Variants in EXOC4 observed in about 807,000 individuals in gnomAD.
EXOC4 encodes the protein exocyst complex component 4, also known as SEC8-like 1.
A neutral mutation model predicts 107.2 loss-of-function variants in EXOC4; 71 were observed. The observed-to-expected ratio is 0.66, with a 90% CI of 0.55 to 0.81. The LOEUF (loss-of-function observed/expected upper bound fraction) is 0.81, where lower values mean the gene tolerates loss of function less well. Ranked by LOEUF, EXOC4 falls within the 30% of genes least tolerant of loss-of-function variation. The pLI, the probability that EXOC4 is intolerant of heterozygous loss-of-function variation, is 0.00. For missense variants in EXOC4, 1,108 were observed against 1,189.6 expected (o/e 0.93, Z 1.01); for synonymous variants, 456 against 441.2 (o/e 1.03, Z -0.42).
intron 10 of EXOC4, among the ~76,000 whole-genome samples, chr7:133,790,938 T>C (rs999369075): frequency 3.9e-5 from 6 of 152,234 alleles, no homozygotes; most frequent in African/African-American, 1.4e-4. Flanking sequence ...TGGAAGGAGA[T>C]GTACATTACA....
At chr7:133,637,574 A>G (rs181193499) in intron 10 of EXOC4, among the ~76,000 whole-genome samples, 46 of 149,564 alleles carry the variant, frequency 3.1e-4, no homozygotes, top group African/African-American at 1.1e-3. Flanking sequence ...ATGGGAGGAA[A>G]TATAGACACC....
At chr7:133,986,866 C>T (rs924131420) in intron 14 of EXOC4, among the ~76,000 whole-genome samples, 5 of 152,134 alleles carry the variant, frequency 3.3e-5, no homozygotes, top group Non-Finnish European at 7.3e-5. Flanking sequence ...GTCTGACACT[C>T]AACTGTGATC....
intron 9 of EXOC4, among the ~76,000 whole-genome samples, chr7:133,495,545 A>G (rs1799457595): frequency 6.6e-6 from 1 of 152,114 alleles, no homozygotes; most frequent in Non-Finnish European, 1.5e-5. Flanking sequence ...TCTGATTTCT[A>G]ACTCTATCTC....
At chr7:133,369,692 TTC>T (rs1269530296) in intron 6 of EXOC4, among the ~76,000 whole-genome samples, 2 of 152,154 alleles carry the variant, frequency 1.3e-5, no homozygotes, top group Non-Finnish European at 2.9e-5. Flanking sequence ...TCCAGTATCA[TTC>T]TCTCTGCTGA....
intron 10 of EXOC4, among the ~76,000 whole-genome samples, chr7:133,762,117 C>G (rs1796044741): frequency 6.6e-6 from 1 of 152,128 alleles, no homozygotes; most frequent in African/African-American, 2.4e-5. Context: ...CATGATGGTC[C>G]TGAGACCAGA....
intron 9 of EXOC4, among the ~76,000 whole-genome samples, chr7:133,536,985 C>A (rs1404714632): frequency 1.3e-5 from 2 of 152,116 alleles, no homozygotes; most frequent in African/African-American, 4.8e-5. Flanking sequence ...ACAGTGAAGA[C>A]TCAGAAATGT....
chr7:133,608,561 T>C (rs907277167), intron 9 of EXOC4, among the ~76,000 whole-genome samples: 1 of 145,902 alleles, frequency 6.9e-6, no homozygotes, highest in Non-Finnish European at 1.5e-5. Context: ...TTTTTTTTTT[T>C]TTTTTTTTGG....
intron 6 of EXOC4, among the ~76,000 whole-genome samples, chr7:133,357,986 G>A (rs1162256141): frequency 2.0e-5 from 3 of 152,048 alleles, no homozygotes; most frequent in African/African-American, 7.2e-5. Flanking sequence ...TCAGGAGTTC[G>A]AGAGCAGCCT....
intron 9 of EXOC4, among the ~76,000 whole-genome samples, chr7:133,602,353 T>A (rs559566627): frequency 1.4e-3 from 211 of 152,294 alleles, no homozygotes; most frequent in Non-Finnish European, 1.7e-3. Context: ...CCTGACTGTT[T>A]TTGAAAGAAT....
chr7:133,895,639 A>G lies in EXOC4; in HGVS notation c.1775A>G (p.Asn592Ser), dbSNP rs1799289212. Residue 592 changes from asparagine to serine, a missense_variant, in exon 12 of 18, where the codon AAC becomes AGC. Transcript: ENST00000253861. Reference protein sequence around the residue: ...IVEKTVQDLLNLMHDLSAYSD... With the variant: ...IVEKTVQDLLSLMHDLSAYSD... ...GAGAAGACAGTTCAAGACCTCCTGA[A>G]CCTGATGCATGACTTGAGTGCATAT... 2 of 1,614,116 alleles carry G rather than the reference A, an allele frequency of 1.2e-6. No homozygotes were observed. Among genetic ancestry groups the G allele is most frequent in the East Asian group, 4.5e-5 (2 of 44,874 alleles).
intron 7 of EXOC4, among the ~76,000 whole-genome samples, chr7:133,436,512 A>C (rs1044060971): frequency 2.0e-5 from 3 of 152,056 alleles, no homozygotes; most frequent in South Asian, 2.1e-4. Context: ...AAAAAAAAAA[A>C]AACCCTAATA....
At chr7:133,946,737 CTG>C (rs1467454631) in intron 14 of EXOC4, among the ~76,000 whole-genome samples, 15 of 152,232 alleles carry the variant, frequency 9.9e-5, no homozygotes, top group African/African-American at 3.4e-4. Context: ...CTAGACCTCT[CTG>C]TCTCCTTCTG....
chr7:134,015,456 T>C (rs1794881497), intron 17 of EXOC4, among the ~76,000 whole-genome samples: 1 of 152,178 alleles, frequency 6.6e-6, no homozygotes, highest in Non-Finnish European at 1.5e-5. Context: ...ACTGAAGGAT[T>C]TTAAGCAGAG....
chr7:133,566,196 T>C (rs1800902933), intron 9 of EXOC4, among the ~76,000 whole-genome samples: 1 of 152,164 alleles, frequency 6.6e-6, no homozygotes, highest in Admixed American at 6.6e-5. Flanking sequence ...TGCCAGGAAT[T>C]ATTTTTGGGG....
the EXOC4 span, among the ~76,000 whole-genome samples, chr7:134,095,946 TA>T: frequency 6.6e-6 from 1 of 151,886 alleles, no homozygotes; most frequent in African/African-American, 2.4e-5. Flanking sequence ...GCAATTCCAA[TA>T]AAAAAAGTGA....
At chr7:133,698,048 C>A (rs754874733) in intron 10 of EXOC4, among the ~76,000 whole-genome samples, 2 of 151,944 alleles carry the variant, frequency 1.3e-5, no homozygotes, top group Non-Finnish European at 1.5e-5. Flanking sequence ...GTACTGACTG[C>A]ATATGTGTTC....
intron 13 of EXOC4, among the ~76,000 whole-genome samples, chr7:133,936,176 GCA>G (rs1358301326): frequency 5.9e-5 from 9 of 152,154 alleles, no homozygotes; most frequent in African/African-American, 2.2e-4. Flanking sequence ...TCAGATTGGT[GCA>G]CACCCACATT....
intron 9 of EXOC4, among the ~76,000 whole-genome samples, chr7:133,616,148 G>A (rs1378723787): frequency 2.0e-5 from 3 of 152,062 alleles, no homozygotes; most frequent in Non-Finnish European, 4.4e-5. Context: ...GTTTGTCCCT[G>A]GATTTTATTA....
At chr7:133,396,479 G>T (rs1184151598) in intron 7 of EXOC4, 1 of 152,170 alleles carries the variant, frequency 6.6e-6, no homozygotes, top group Admixed American at 6.5e-5. Flanking sequence ...AACTGCTGTA[G>T]AATAGGAAGA....
Sources: allele counts gnomAD v4.1 joint callset (sites outside exome capture counted in the v4.1 genomes callset), GRCh38; gene constraint gnomAD v4.1.1; transcripts MANE v1.5; gene names NCBI Gene and HGNC (gene_info 2026-07-23, HGNC 2026-07-21).